The following ZBED4 variants were observed in gnomAD, a reference collection of about 807,000 sequenced individuals.
The protein encoded by ZBED4 is zinc finger BED domain-containing protein 4.
A neutral mutation model predicts 15.5 loss-of-function variants in ZBED4; 4 were observed. That is an observed-to-expected ratio of 0.26 (90% CI 0.13 to 0.59). The LOEUF is 0.59. Ranked by LOEUF, ZBED4 falls within the 20% of genes least tolerant of loss-of-function variation. The pLI is 0.90. For missense variants in ZBED4, 1,323 were observed against 1,461.8 expected, an observed-to-expected ratio of 0.91 and a Z score of 1.55; for synonymous variants, 692 against 608.5, an observed-to-expected ratio of 1.14 and a Z score of -2.02.
chr22:49,886,702 G>T lies in ZBED4; in HGVS notation c.3040G>T (p.Ala1014Ser), dbSNP rs1601806226. 1.2e-6 allele frequency: 2 copies of T among 1,613,308 alleles called. No homozygotes were observed. Among genetic ancestry groups the T allele is most frequent in the Non-Finnish European group, 1.7e-6 (2 of 1,179,784 alleles). ...FATLLDPRYK[A>S]SLFTEEEAEQ... ...CACGCTGCTGGATCCTCGCTACAAG[G>T]CCTCCCTGTTTACGGAGGAGGAGGC... Residue 1014 changes from alanine to serine, a missense_variant, in exon 2 of 2, where the codon GCC becomes TCC. By Grantham distance (99) the Ala-to-Ser change is moderately conservative. This residue lies in a region of ZBED4 where 312 missense variants were observed against 410.7 expected (regional missense o/e 0.76). Coordinates refer to ENST00000216268, the MANE Select transcript of ZBED4 (RefSeq NM_014838.3). This position sits in a 1 kb window ranked among gnomAD's most constrained non-coding sequence, Gnocchi z 7.7.
chr22:49,882,943 C>T (rs2060416943), intron 1 of ZBED4, among the ~76,000 whole-genome samples: 1 of 152,198 alleles, frequency 6.6e-6, no homozygotes, highest in Non-Finnish European at 1.5e-5. Context: ...ATCAGGTCTT[C>T]TAGCAAGGAA....
In ZBED4 at chr22:49,884,017, C is replaced by G. The variant is rs777989190; in HGVS notation, c.355C>G (p.Pro119Ala). The G allele has an allele frequency of 3.1e-6, 5 of 1,609,100 alleles. No homozygotes were observed. The South Asian group carries it at 4.4e-5, about 14-fold the overall frequency. ...GAACATGAGCTCCAGGAAGAAGTCT[C>G]CAGCCTGGAAGCATTTTTTTATCTC... Reference protein sequence around the residue: ...SRNMSSRKKSPAWKHFFISPR... With the variant: ...SRNMSSRKKSAAWKHFFISPR... Residue 119 changes from proline to alanine, a missense_variant, in exon 2 of 2, where the codon CCA becomes GCA. Transcript: ENST00000216268.
chr22:49,872,845 G>A (rs1401754954), intron 1 of ZBED4, among the ~76,000 whole-genome samples: 2 of 151,848 alleles, frequency 1.3e-5, no homozygotes, highest in East Asian at 1.9e-4. Context: ...AGCTGGGACC[G>A]CAGGCACCTG....
At chr22:49,875,093 T>G (rs1310927663) in intron 1 of ZBED4, among the ~76,000 whole-genome samples, 1 of 152,218 alleles carries the variant, frequency 6.6e-6, no homozygotes, top group Non-Finnish European at 1.5e-5. Context: ...TGTTAAGGAT[T>G]TTTTTTCTGT....
At chr22:49,865,680 A>G (rs978814651) in intron 1 of ZBED4, among the ~76,000 whole-genome samples, 1 of 151,784 alleles carries the variant, frequency 6.6e-6, no homozygotes, top group African/African-American at 2.4e-5. Flanking sequence ...ATAAAAATAA[A>G]TGCTCACATT....
intron 1 of ZBED4, among the ~76,000 whole-genome samples, chr22:49,858,742 G>A (rs971935304): frequency 2.6e-5 from 4 of 152,198 alleles, no homozygotes; most frequent in African/African-American, 7.2e-5. Context: ...GTCCCTTGGC[G>A]TCATCCAGTA....
intron 1 of ZBED4, among the ~76,000 whole-genome samples, chr22:49,879,196 C>G (rs1410851574): frequency 6.6e-6 from 1 of 151,072 alleles, no homozygotes; most frequent in African/African-American, 2.4e-5. Flanking sequence ...GCAATCTCGG[C>G]TCACTGTAAC....
intron 1 of ZBED4, among the ~76,000 whole-genome samples, chr22:49,881,834 T>C (rs1288280597): frequency 6.6e-6 from 1 of 152,144 alleles, no homozygotes; most frequent in East Asian, 1.9e-4. Context: ...GCCTGGCCTG[T>C]GTTAATTTTT....
Position 49,884,691 on chromosome 22 carries a change from C to G in ZBED4, c.1029C>G (p.Asn343Lys). Residue 343 changes from asparagine (N) to lysine (K), a missense_variant, in exon 2 of 2, where the codon AAC (asparagine) becomes AAG (lysine). This residue lies in a region of ZBED4 where 429 missense variants were observed against 397.9 expected (regional missense o/e 1.08). Transcript: ENST00000216268. ...RAHRAIVLQE[N>K]GGTGIPPLYS... ...ACCGCGCCATCGTGTTGCAGGAGAA[C>G]GGGGGCACGGGCATCCCGCCACTGT... The G allele has an allele frequency of 6.3e-7, 1 of 1,599,968 alleles. No individual in the cohort carries two copies. Among genetic ancestry groups the G allele is most frequent in the Non-Finnish European group, 8.5e-7 (1 of 1,172,394 alleles).
In ZBED4 at chr22:49,887,693, C is replaced by T. The variant is rs769525226; in HGVS notation, c.*515C>T. The T allele has an allele frequency of 1.8e-4, 30 of 168,598 alleles. No individual in the cohort carries two copies. Among genetic ancestry groups the T allele is most frequent in the Non-Finnish European group, 3.6e-4 (25 of 69,068 alleles). The allele number at this position is 168,598 out of a possible 1,614,324, so 10.4% of individuals were successfully genotyped here. A position where few individuals can be genotyped will look rare whatever the true frequency, so the allele number is the denominator to read the frequency against. ...TTTTTAACCGCAGGTTCTAAAGTGTCCCGCGGAGTACAGATAATATTCTGG... is the reference window on the plus strand; with the variant it reads ...TTTTTAACCGCAGGTTCTAAAGTGTTCCGCGGAGTACAGATAATATTCTGG... On this transcript the variant is annotated 3_prime_UTR_variant, in exon 2 of 2. Transcript: ENST00000216268.
Position 49,886,980 on chromosome 22 carries a change from G to A in ZBED4, c.3318G>A (p.Leu1106=). 3.7e-6 allele frequency: 6 copies of A among 1,614,122 alleles called. No homozygotes were observed. Among genetic ancestry groups the A allele is most frequent in the Non-Finnish European group, 5.1e-6 (6 of 1,180,036 alleles). The change falls in exon 2 of 2, where the codon CTG becomes CTA. Residue 1106 remains leucine, a synonymous_variant. Transcript: ENST00000216268. The surrounding 1 kb of genome is among the most constrained non-coding windows in gnomAD (Gnocchi z 7.7). ...GTGACCCGCTCACCTACTGGAACCT[G>A]AAGAAGGCGTCCTGGCCGGGGCTGT... ...HSCDPLTYWN[L]KKASWPGLSA...
chr22:49,885,804 G>A lies in ZBED4; in HGVS notation c.2142G>A (p.Gln714=). 1 of 1,597,584 alleles carries A rather than the reference G, an allele frequency of 6.3e-7. No individual in the cohort carries two copies. The highest frequency in any genetic ancestry group is 8.6e-7 in the Non-Finnish European group (1 of 1,165,552). ...CAGGTATGTATGATAATGTGAAGCA[G>A]ATAATTATGTCCCACCTTAAGGAAG... ...AIPGMYDNVK[Q]IIMSHLKEAE... Residue 714 remains glutamine, a synonymous_variant, in exon 2 of 2, where the codon CAG becomes CAA. Transcript: ENST00000216268.
chr22:49,855,754 C>G lies in ZBED4; in HGVS notation c.-330+1765C>G, dbSNP rs539265218. ...TCATTCTCTTTGGTGTGGTGGTTGT[C>G]TTTTGAGAGGAGGGAGCAGGTGAAA... is the stretch of plus-strand genomic sequence containing the variant. On this transcript the variant is annotated intron_variant, in intron 1 of 1. Coordinates refer to ENST00000216268, the MANE Select transcript of ZBED4 (RefSeq NM_014838.3). Among the ~76,000 whole-genome samples the G allele has an allele frequency of 1.9e-4, 29 of 152,234 alleles. No homozygotes were observed. In the South Asian group the frequency reaches 5.8e-3, roughly 30 times the overall value.
intron 1 of ZBED4, among the ~76,000 whole-genome samples, chr22:49,869,875 C>G (rs1280459644): frequency 6.6e-6 from 1 of 152,118 alleles, no homozygotes; most frequent in Admixed American, 6.5e-5. Flanking sequence ...TGGTATATTG[C>G]GTGATGCTGA....
Position 49,884,610 on chromosome 22 carries a change from G to C in ZBED4, c.948G>C (p.Gly316=), listed in dbSNP as rs772292224. ...CIHCMNEFSR[G]KNGKDLGTSC... ...ACTGCATGAACGAGTTCAGCCGGGG[G>C]AAGAATGGGAAGGACCTGGGCACGA... The change falls in exon 2 of 2, where the codon GGG becomes GGC. Residue 316 remains glycine, a synonymous_variant. Coordinates refer to ENST00000216268, the MANE Select transcript of ZBED4 (RefSeq NM_014838.3). 4 of 1,612,418 alleles carry C rather than the reference G, an allele frequency of 2.5e-6. No individual in the cohort carries two copies. The South Asian group carries it at 4.4e-5, about 18-fold the overall frequency.
chr22:49,885,545 G>C lies in ZBED4; in HGVS notation c.1883G>C (p.Arg628Pro). 6.2e-7 allele frequency: 1 copy of C among 1,605,562 alleles called. No individual in the cohort carries two copies. Among genetic ancestry groups the C allele is most frequent in the African/African-American group, 1.3e-5 (1 of 74,824 alleles). Reference protein sequence around the residue: ...ETARPSSPDTRVPRGTELSGA... With the variant: ...ETARPSSPDTPVPRGTELSGA... ...GCTCGGCCCTCCTCTCCGGACACCC[G>C]GGTGCCGCGGGGCACAGAATTATCA... is the stretch of plus-strand genomic sequence containing the variant. Residue 628 changes from arginine (R) to proline (P), a missense_variant, in exon 2 of 2, where the codon CGG (arginine) becomes CCG (proline). This residue lies in a region of ZBED4 where 429 missense variants were observed against 397.9 expected (regional missense o/e 1.08). Coordinates refer to ENST00000216268, the MANE Select transcript of ZBED4 (RefSeq NM_014838.3).
At chr22:49,857,197 G>A (rs1423751467) in intron 1 of ZBED4, among the ~76,000 whole-genome samples, 1 of 152,206 alleles carries the variant, frequency 6.6e-6, no homozygotes, top group Non-Finnish European at 1.5e-5. Flanking sequence ...GAGAGCTCTG[G>A]TTGCTCCGTC....
At position 49,886,540 on chromosome 22, in the gene ZBED4, A is replaced by T; in HGVS notation, c.2878A>T (p.Met960Leu). The T allele has an allele frequency of 6.4e-7, 1 of 1,568,146 alleles. No homozygotes were observed. ...QMSTLSQVIP[M>L]VHILNRKVEM... ...GTCCACCCTCAGCCAGGTCATCCCC[A>T]TGGTACACATCCTCAACAGGAAGGT... Residue 960 changes from methionine (M) to leucine (L), a missense_variant, in exon 2 of 2, where the codon ATG (methionine) becomes TTG (leucine). Around this residue, in one of 6 missense-constraint regions of ZBED4, gnomAD observed 312 missense variants for 410.7 expected, o/e 0.76. Coordinates refer to ENST00000216268, the MANE Select transcript of ZBED4 (RefSeq NM_014838.3). This position sits in a 1 kb window ranked among gnomAD's most constrained non-coding sequence, Gnocchi z 7.7.
intron 1 of ZBED4, among the ~76,000 whole-genome samples, chr22:49,856,199 T>C (rs1300467200): frequency 6.6e-6 from 1 of 152,242 alleles, no homozygotes; most frequent in Non-Finnish European, 1.5e-5. Flanking sequence ...ATAAGCTCTT[T>C]GCCATTTCTG....
Sources: allele counts gnomAD v4.1 joint callset (sites outside exome capture counted in the v4.1 genomes callset), GRCh38; gene constraint gnomAD v4.1.1; regional missense constraint gnomAD v4.1.1; non-coding constraint Gnocchi (gnomAD v3.1); transcripts MANE v1.5; gene names NCBI Gene and HGNC (gene_info 2026-07-23, HGNC 2026-07-21).